The following GPC5 variants were observed in gnomAD, a reference collection of about 807,000 sequenced individuals.
GPC5 encodes the protein glypican 5.
Under a neutral mutation model 53.9 loss-of-function variants are expected in GPC5, and 47 were observed. The observed-to-expected ratio is 0.87, with a 90% CI of 0.69 to 1.11. The LOEUF (loss-of-function observed/expected upper bound fraction) is 1.11. Among genes scored for constraint, GPC5 ranks in the 50% most tolerant of loss-of-function variants. GPC5 has a pLI of 0.00. For synonymous variants in GPC5, 286 were observed against 263.3 expected (o/e 1.09, Z -0.84); for missense variants, 748 against 713.1 (o/e 1.05, Z -0.56).
intron 5 of GPC5, among the ~76,000 whole-genome samples, chr13:91,857,834 T>G (rs2038983510): frequency 6.6e-6 from 1 of 151,578 alleles, no homozygotes; most frequent in Non-Finnish European, 1.5e-5. Context: ...TCAAGAATAC[T>G]TACATAATTT....
chr13:91,535,396 G>A (rs913008549), intron 2 of GPC5, among the ~76,000 whole-genome samples: 3 of 152,176 alleles, frequency 2.0e-5, no homozygotes, highest in African/African-American at 4.8e-5. Context: ...CTTGAGGAAC[G>A]TGTCATGAAG....
chr13:92,811,797 A>G (rs1470019343), intron 7 of GPC5, among the ~76,000 whole-genome samples: 1 of 151,910 alleles, frequency 6.6e-6, no homozygotes, highest in African/African-American at 2.4e-5. Context: ...TATGAGATGA[A>G]TGTTCAACAT....
chr13:91,659,760 C>T (rs1295218439), intron 2 of GPC5, among the ~76,000 whole-genome samples: 1 of 152,202 alleles, frequency 6.6e-6, no homozygotes, highest in Admixed American at 6.5e-5. Flanking sequence ...ACCGCCTCCA[C>T]CATGATCGCC....
At chr13:91,654,188 C>T (rs2034790842) in intron 2 of GPC5, among the ~76,000 whole-genome samples, 1 of 152,094 alleles carries the variant, frequency 6.6e-6, no homozygotes, top group South Asian at 2.1e-4. Flanking sequence ...CCTGGTTCCA[C>T]ACAGTGAGAA....
chr13:92,541,881 T>C (rs974706345), intron 7 of GPC5, among the ~76,000 whole-genome samples: 1 of 151,786 alleles, frequency 6.6e-6, no homozygotes, highest in Non-Finnish European at 1.5e-5. Flanking sequence ...AAAGACATTA[T>C]TTTTTTTACT....
chr13:92,835,309 C>T (rs1004875634), intron 7 of GPC5, among the ~76,000 whole-genome samples: 13 of 151,664 alleles, frequency 8.6e-5, no homozygotes, highest in South Asian at 2.1e-4. Context: ...ACTTCGATAC[C>T]GCATCTTTTA....
At chr13:91,510,953 T>C (rs1475560972) in intron 2 of GPC5, among the ~76,000 whole-genome samples, 1 of 152,192 alleles carries the variant, frequency 6.6e-6, no homozygotes, top group African/African-American at 2.4e-5. Context: ...TAGATACCAG[T>C]ATTTTCCTTT....
intron 7 of GPC5, among the ~76,000 whole-genome samples, chr13:92,517,771 A>G (rs1170322483): frequency 6.6e-6 from 1 of 152,120 alleles, no homozygotes; most frequent in African/African-American, 2.4e-5. Context: ...AAATCAGAGC[A>G]CCTCTCCCCC....
intron 7 of GPC5, among the ~76,000 whole-genome samples, chr13:92,680,212 C>T (rs1164739996): frequency 1.3e-5 from 2 of 152,190 alleles, no homozygotes; most frequent in Non-Finnish European, 2.9e-5. Context: ...GTATTATCTG[C>T]TTTGTCCCTA....
intron 7 of GPC5, among the ~76,000 whole-genome samples, chr13:92,409,529 T>C (rs969681913): frequency 1.3e-5 from 2 of 152,032 alleles, no homozygotes; most frequent in African/African-American, 4.8e-5. Context: ...TTGACCATCA[T>C]CAAAAAGATT....
chr13:91,899,261 G>A (rs979104361), intron 5 of GPC5, among the ~76,000 whole-genome samples: 3 of 152,016 alleles, frequency 2.0e-5, no homozygotes, highest in African/African-American at 7.2e-5. Flanking sequence ...ATTTTTGCTA[G>A]GAGGTAGAAG....
intron 7 of GPC5, among the ~76,000 whole-genome samples, chr13:92,803,500 G>A (rs1876981482): frequency 6.6e-6 from 1 of 151,868 alleles, no homozygotes; most frequent in Non-Finnish European, 1.5e-5. Context: ...TCTGTCTTTT[G>A]TATGACATCT....
intron 7 of GPC5, among the ~76,000 whole-genome samples, chr13:92,566,858 A>T (rs934087695): frequency 1.3e-5 from 2 of 152,158 alleles, no homozygotes; most frequent in African/African-American, 4.8e-5. Context: ...AGAGATTACC[A>T]AATTTGTCAA....
intron 7 of GPC5, among the ~76,000 whole-genome samples, chr13:92,381,962 G>GTATGTATC (rs1555331686): frequency 0.029 from 3,696 of 126,220 alleles, 72 homozygotes; most frequent in East Asian, 0.063. Flanking sequence ...ATGTATGTAT[G>GTATGTATC]TATCTATCTA....
At chr13:91,914,224 C>T (rs1006024991) in intron 6 of GPC5, among the ~76,000 whole-genome samples, 3 of 151,960 alleles carry the variant, frequency 2.0e-5, no homozygotes, top group Admixed American at 1.3e-4. Context: ...ATTATAATGC[C>T]CCATTGCTTA....
At chr13:92,396,500 T>C (rs539435748) in intron 7 of GPC5, among the ~76,000 whole-genome samples, 3 of 140,454 alleles carry the variant, frequency 2.1e-5, no homozygotes, top group African/African-American at 8.4e-5. Flanking sequence ...GTTTTTTGTG[T>C]TTTTTTTTTT....
intron 5 of GPC5, among the ~76,000 whole-genome samples, chr13:91,826,188 G>T (rs57485792): frequency 6.7e-6 from 1 of 149,964 alleles, no homozygotes; most frequent in African/African-American, 2.5e-5. Context: ...TTAAATAAAT[G>T]ATGAGATGTC....
At chr13:92,608,371 T>C (rs1594343004) in intron 7 of GPC5, among the ~76,000 whole-genome samples, 2 of 152,330 alleles carry the variant, frequency 1.3e-5, no homozygotes, top group Non-Finnish European at 2.9e-5. Flanking sequence ...GCTTGGAATA[T>C]GCTACTTCTT....
At chr13:91,657,407 AT>A (rs2034872624) in intron 2 of GPC5, among the ~76,000 whole-genome samples, 1 of 152,052 alleles carries the variant, frequency 6.6e-6, no homozygotes, top group African/African-American at 2.4e-5. Context: ...ACTGGGGACA[AT>A]TTTGCCTTCC....
Sources: gnomAD v4.1 joint callset for allele counts (sites outside exome capture counted in the v4.1 genomes callset) on GRCh38, gnomAD v4.1.1 for gene constraint, MANE v1.5 for transcripts, NCBI Gene and HGNC (gene_info 2026-07-23, HGNC 2026-07-21) for gene names.